The following SUGCT variants were observed in gnomAD, a reference collection of about 807,000 sequenced individuals.
SUGCT encodes succinyl-CoA:glutarate CoA-transferase.
Under a neutral mutation model 55.0 loss-of-function variants are expected in SUGCT, and 41 were observed. That is an observed-to-expected ratio of 0.74 (90% confidence interval 0.58 to 0.97). The LOEUF is 0.97. Ranked by LOEUF, SUGCT falls within the 50% of genes least tolerant of loss-of-function variation. SUGCT has a pLI of 0.00. For synonymous variants in SUGCT, 187 were observed against 200.4 expected, an observed-to-expected ratio of 0.93 and a Z score of 0.56; for missense variants, 568 against 547.8, an observed-to-expected ratio of 1.04 and a Z score of -0.37.
intron 6 of SUGCT, among the ~76,000 whole-genome samples, chr7:40,219,352 A>G (rs1309315508): frequency 1.3e-5 from 2 of 152,238 alleles, no homozygotes; most frequent in African/African-American, 4.8e-5. Flanking sequence ...ACACATTTAA[A>G]TACAAATTAG....
At chr7:40,263,401 A>G (rs541059169) in intron 7 of SUGCT, among the ~76,000 whole-genome samples, 17 of 152,352 alleles carry the variant, frequency 1.1e-4, no homozygotes, top group Admixed American at 2.0e-4. Context: ...AGTGCAAAAT[A>G]TTTAATCTGA....
At chr7:40,818,665 C>T (rs1361905102) in intron 13 of SUGCT, among the ~76,000 whole-genome samples, 1 of 151,954 alleles carries the variant, frequency 6.6e-6, no homozygotes, top group Non-Finnish European at 1.5e-5. Flanking sequence ...GGGAAGTGAG[C>T]CAGTGGAGGC....
the SUGCT span, among the ~76,000 whole-genome samples, chr7:40,867,848 T>C: frequency 1.3e-5 from 2 of 152,216 alleles, no homozygotes; most frequent in African/African-American, 4.8e-5. Flanking sequence ...CTGTCACACA[T>C]TGAGCTATCA....
intron 9 of SUGCT, among the ~76,000 whole-genome samples, chr7:40,385,462 T>C (rs1785071049): frequency 6.6e-6 from 1 of 152,188 alleles, no homozygotes; most frequent in Non-Finnish European, 1.5e-5. Flanking sequence ...AAGTGTCCAA[T>C]GAATGCTGTC....
chr7:40,245,681 A>T (rs4472424), intron 7 of SUGCT, among the ~76,000 whole-genome samples: 1 of 150,570 alleles, frequency 6.6e-6, no homozygotes, highest in African/African-American at 2.4e-5. Context: ...CTCGTGATCC[A>T]CCTGCCTCGG....
the SUGCT span, among the ~76,000 whole-genome samples, chr7:41,009,060 T>G: frequency 7.2e-5 from 11 of 152,014 alleles, no homozygotes; most frequent in Non-Finnish European, 1.5e-4. Flanking sequence ...TTCTAAAGAA[T>G]GCAATTTAGC....
At chr7:40,517,553 A>T (rs936450605) in intron 12 of SUGCT, among the ~76,000 whole-genome samples, 1 of 152,120 alleles carries the variant, frequency 6.6e-6, no homozygotes, top group Non-Finnish European at 1.5e-5. Context: ...TTTTTATCAT[A>T]AAAGGGTGTT....
the SUGCT span, among the ~76,000 whole-genome samples, chr7:40,981,338 C>G: frequency 1.1e-4 from 17 of 152,266 alleles, no homozygotes; most frequent in African/African-American, 3.4e-4. Flanking sequence ...AGACTTGGTG[C>G]ATTTTGTTGT....
At chr7:40,279,010 T>TTC (rs984201375) in intron 8 of SUGCT, among the ~76,000 whole-genome samples, 6 of 109,468 alleles carry the variant, frequency 5.5e-5, no homozygotes, top group African/African-American at 1.6e-4. Flanking sequence ...TATTTTTTTT[T>TTC]TTTTTTAGAG....
intron 12 of SUGCT, among the ~76,000 whole-genome samples, chr7:40,535,188 G>A (rs1794295623): frequency 1.3e-5 from 2 of 151,562 alleles, no homozygotes; most frequent in South Asian, 2.1e-4. Context: ...GATTCCATGG[G>A]TACATGTGCT....
intron 12 of SUGCT, among the ~76,000 whole-genome samples, chr7:40,562,254 G>T (rs1237579842): frequency 6.6e-6 from 1 of 150,656 alleles, no homozygotes; most frequent in Non-Finnish European, 1.5e-5. Context: ...AGTCGAGATC[G>T]CGTGACTGCA....
At chr7:40,543,604 G>A (rs1467324401) in intron 12 of SUGCT, among the ~76,000 whole-genome samples, 1 of 152,200 alleles carries the variant, frequency 6.6e-6, no homozygotes, top group Non-Finnish European at 1.5e-5. Flanking sequence ...AGTTTATCTG[G>A]TGGACTGGAC....
intron 7 of SUGCT, among the ~76,000 whole-genome samples, chr7:40,241,804 C>A (rs1407705908): frequency 6.6e-6 from 1 of 151,238 alleles, no homozygotes; most frequent in African/African-American, 2.4e-5. Flanking sequence ...TCTGTAGTCC[C>A]AGCTACTTGG....
the SUGCT span, among the ~76,000 whole-genome samples, chr7:40,929,305 T>C: frequency 6.6e-6 from 1 of 152,230 alleles, no homozygotes; most frequent in African/African-American, 2.4e-5. Context: ...TGCCACATTT[T>C]CTTAATCCAG....
the SUGCT span, among the ~76,000 whole-genome samples, chr7:40,925,800 T>C: frequency 4.9e-3 from 741 of 152,288 alleles, 6 homozygotes; most frequent in African/African-American, 0.017. Flanking sequence ...TAAGGTGTCA[T>C]TTAAAATTTC....
In SUGCT at chr7:40,816,040, C is replaced by T. The variant is rs547950098; in HGVS notation, c.1154-44276C>T. Among the ~76,000 whole-genome samples, 11 of 152,346 alleles carry T rather than the reference C, an allele frequency of 7.2e-5. No homozygotes were observed. The East Asian group carries it at 1.9e-3, about 27-fold the overall frequency. On this transcript the variant is annotated intron_variant, in intron 13 of 13. Coordinates refer to ENST00000335693, the MANE Select transcript of SUGCT (RefSeq NM_001193313.2). ...CAATGGTAGATGCAGACCAGTTCCA[C>T]GTTGCCAAGCTGGCAAGTCTCACTG...
chr7:40,573,643 A>G (rs926964533), intron 12 of SUGCT, among the ~76,000 whole-genome samples: 1 of 152,224 alleles, frequency 6.6e-6, no homozygotes, highest in African/African-American at 2.4e-5. Context: ...CTTTTAATTA[A>G]TAGATATGTA....
Position 40,607,262 on chromosome 7 carries a change from C to T in SUGCT, c.1089+110876C>T, listed in dbSNP as rs148995115. 2.6e-3 allele frequency among the ~76,000 whole-genome samples: 403 copies of T among 152,228 alleles called. 4 individuals carry two copies. Among genetic ancestry groups the T allele is most frequent in the African/African-American group, 9.3e-3 (387 of 41,548 alleles). On this transcript the variant is annotated intron_variant, in intron 12 of 13. Coordinates refer to ENST00000335693, the MANE Select transcript of SUGCT (RefSeq NM_001193313.2). ...GGAACTATAGGAATGCACCACCACA[C>T]TCAGCTAATTTTTAAATTTTTTGTA...
At chr7:40,674,886 G>A (rs1783878175) in intron 12 of SUGCT, among the ~76,000 whole-genome samples, 1 of 152,098 alleles carries the variant, frequency 6.6e-6, no homozygotes, top group African/African-American at 2.4e-5. Context: ...CGTCCATGAT[G>A]CAGAAGGTGG....
Sources: gnomAD v4.1 joint callset for allele counts (sites outside exome capture counted in the v4.1 genomes callset) on GRCh38, gnomAD v4.1.1 for gene constraint, MANE v1.5 for transcripts, NCBI Gene and HGNC (gene_info 2026-07-23, HGNC 2026-07-21) for gene names.